Variants in PAPPA observed in about 807,000 individuals in gnomAD.
PAPPA encodes the protein pappalysin-1.
Under a neutral mutation model 164.0 loss-of-function variants are expected in PAPPA, and 60 were observed. The observed-to-expected ratio is 0.37, with a 90% CI of 0.30 to 0.45. The LOEUF (loss-of-function observed/expected upper bound fraction) is 0.45. PAPPA is among the 20% of genes least tolerant of loss of function. The pLI is 1.00. For missense variants in PAPPA, 1,782 were observed against 2,087.3 expected (o/e 0.85, Z 2.85); for synonymous variants, 875 against 814.1 (o/e 1.07, Z -1.27).
chr9:116,183,543 C>A (rs1011943289), intron 1 of PAPPA, among the ~76,000 whole-genome samples: 2 of 151,980 alleles, frequency 1.3e-5, no homozygotes, highest in Non-Finnish European at 2.9e-5. Flanking sequence ...CCTTTCAGAC[C>A]CTAAAATAAG....
intron 1 of PAPPA, among the ~76,000 whole-genome samples, chr9:116,183,960 TC>T (rs1455522214): frequency 6.6e-6 from 1 of 151,978 alleles, no homozygotes; most frequent in Non-Finnish European, 1.5e-5. Flanking sequence ...CTAGCTGCCT[TC>T]CAAAGGCAAC....
intron 9 of PAPPA, among the ~76,000 whole-genome samples, chr9:116,289,347 G>GCATATATATGC (rs1845402226): frequency 3.1e-5 from 3 of 95,434 alleles, no homozygotes; most frequent in East Asian, 2.4e-4. Context: ...CATATATATG[G>GCATATATATGC]CATATATATG....
At chr9:116,367,798 G>A (rs756746085) in intron 19 of PAPPA, 44 bp downstream of exon 19, 5 of 1,318,096 alleles carry the variant, frequency 3.8e-6, no homozygotes, top group Middle Eastern at 3.6e-4. Context: ...TAAGGGGGAG[G>A]GAAATGATAT....
At chr9:116,311,870 A>T (rs1197493908) in intron 10 of PAPPA, among the ~76,000 whole-genome samples, 1 of 152,224 alleles carries the variant, frequency 6.6e-6, no homozygotes, top group Non-Finnish European at 1.5e-5. Context: ...CAAGGAAGGG[A>T]TGGGTTTGGC....
At chr9:116,381,548 T>C (rs1846731908) in intron 20 of PAPPA, among the ~76,000 whole-genome samples, 1 of 152,156 alleles carries the variant, frequency 6.6e-6, no homozygotes, top group Admixed American at 6.5e-5. Context: ...TTCAGATAAA[T>C]AATGGCTTGA....
chr9:116,183,889 G>T (rs777798355), intron 1 of PAPPA, among the ~76,000 whole-genome samples: 4 of 152,008 alleles, frequency 2.6e-5, no homozygotes, highest in Admixed American at 2.6e-4. Context: ...CCCAAGCCCC[G>T]GCAAGGTTCT....
intron 13 of PAPPA, among the ~76,000 whole-genome samples, chr9:116,340,102 C>G (rs1846114994): frequency 6.6e-6 from 1 of 152,152 alleles, no homozygotes; most frequent in South Asian, 2.1e-4. Context: ...AATCAGCCAC[C>G]TTTCTCCCTT....
chr9:116,365,406 G>T (rs557907563), intron 18 of PAPPA, among the ~76,000 whole-genome samples: 32 of 152,224 alleles, frequency 2.1e-4, no homozygotes, highest in African/African-American at 7.7e-4. Context: ...GCCAATAATG[G>T]CTCATATATC....
intron 7 of PAPPA, among the ~76,000 whole-genome samples, chr9:116,264,148 T>C (rs537808002): frequency 4.6e-5 from 7 of 152,144 alleles, no homozygotes; most frequent in East Asian, 1.9e-4. Flanking sequence ...GGATTGTTAC[T>C]TTTTTCTCCA....
At chr9:116,325,272 G>T (rs1845906688) in intron 10 of PAPPA, among the ~76,000 whole-genome samples, 1 of 152,124 alleles carries the variant, frequency 6.6e-6, no homozygotes, top group Non-Finnish European at 1.5e-5. Flanking sequence ...CAGAGAAAAT[G>T]CAGTGGCTCT....
At chr9:116,330,993 T>A (rs1454396941) in intron 10 of PAPPA, among the ~76,000 whole-genome samples, 1 of 152,174 alleles carries the variant, frequency 6.6e-6, no homozygotes, top group East Asian at 1.9e-4. Context: ...CTCCAAGATT[T>A]GTCTCCGTGA....
intron 16 of PAPPA, 72 bp downstream of exon 16, chr9:116,352,988 C>A (rs191827174): frequency 9.2e-7 from 1 of 1,084,082 alleles, no homozygotes; most frequent in South Asian, 1.3e-5. Context: ...CCTGACTGGA[C>A]GGAAGCACTC....
chr9:116,371,586 TTTTC>T (rs1238187261), intron 19 of PAPPA, among the ~76,000 whole-genome samples: 1 of 152,136 alleles, frequency 6.6e-6, no homozygotes, highest in Non-Finnish European at 1.5e-5. Flanking sequence ...TCTTTTCTAC[TTTTC>T]TTTTTTTCAA....
chr9:116,262,191 A>C (rs1306504018), intron 7 of PAPPA, among the ~76,000 whole-genome samples: 1 of 112,260 alleles, frequency 8.9e-6, no homozygotes, highest in Non-Finnish European at 1.9e-5. Flanking sequence ...GTGACAGAGC[A>C]AGACTGTCTT....
intron 20 of PAPPA, among the ~76,000 whole-genome samples, chr9:116,381,274 T>G (rs781741471): frequency 5.9e-5 from 9 of 152,220 alleles, no homozygotes; most frequent in Non-Finnish European, 1.3e-4. Flanking sequence ...CCCTGCCAAC[T>G]GCCCTTGCCA....
At chr9:116,168,427 T>C (rs956187480) in intron 1 of PAPPA, among the ~76,000 whole-genome samples, 14 of 152,272 alleles carry the variant, frequency 9.2e-5, no homozygotes, top group South Asian at 2.1e-4. Flanking sequence ...GTAACTGCTA[T>C]AACTAAGCAA....
intron 9 of PAPPA, 67 bp from the exon 10 acceptor site, chr9:116,302,690 G>A (rs1436576224): frequency 3.7e-6 from 5 of 1,347,878 alleles, no homozygotes; most frequent in Non-Finnish European, 5.2e-6. Context: ...TGCAGCTGCT[G>A]ATGATTGCTG....
intron 1 of PAPPA, among the ~76,000 whole-genome samples, chr9:116,167,002 G>A (rs1303487971): frequency 1.3e-5 from 2 of 152,190 alleles, no homozygotes; most frequent in Non-Finnish European, 2.9e-5. Flanking sequence ...GGAAAAATCT[G>A]AATGAACATT....
rs114490406 is a variant in PAPPA at position 116,196,359 on chromosome 9, G to T, written c.1478+8143G>T. Reference sequence around the variant, plus strand: ...TTGGTTTTTTCCCACCCTGGGTTTGGCATGCTCAGCACTCTCATTTTCCTT... The same window carrying T: ...TTGGTTTTTTCCCACCCTGGGTTTGTCATGCTCAGCACTCTCATTTTCCTT... On this transcript the variant is annotated intron_variant, in intron 2 of 21. Coordinates refer to ENST00000328252, the MANE Select transcript of PAPPA (RefSeq NM_002581.5). Among the ~76,000 whole-genome samples, 959 of 152,264 alleles carry T rather than the reference G, an allele frequency of 6.3e-3. 12 individuals carry two copies. The highest frequency in any genetic ancestry group is 0.022 in the African/African-American group (923 of 41,534).
Sources: allele counts gnomAD v4.1 joint callset (sites outside exome capture counted in the v4.1 genomes callset), GRCh38; gene constraint gnomAD v4.1.1; transcripts MANE v1.5; gene names NCBI Gene and HGNC (gene_info 2026-07-23, HGNC 2026-07-21).